NSD1: variants seen among roughly 807,000 people sequenced by gnomAD.
NSD1 encodes nuclear receptor binding SET domain protein 1.
NSD1 carries 26 observed loss-of-function variants against 242.7 expected under a neutral mutation model. The ratio of observed to expected loss-of-function variants is 0.11; its 90% confidence interval spans 0.08 to 0.15. The LOEUF is 0.15. NSD1 is among the 10% of genes least tolerant of loss of function. The probability of loss-of-function intolerance (pLI) is 1.00; values close to 1 mark genes in which losing one functional copy is unlikely to be tolerated. For missense variants in NSD1, 2,495 were observed against 3,272.8 expected, an observed-to-expected ratio of 0.76 and a Z score of 5.80; for synonymous variants, 1,106 against 1,178.1, an observed-to-expected ratio of 0.94 and a Z score of 1.25.
intron 5 of NSD1, among the ~76,000 whole-genome samples, chr5:177,219,959 G>A (rs768934484): frequency 3.2e-4 from 49 of 151,308 alleles, no homozygotes; most frequent in Non-Finnish European, 6.3e-4. Context: ...AAGATCCTGT[G>A]TCAAAAAAAA....
intron 2 of NSD1, among the ~76,000 whole-genome samples, chr5:177,163,343 A>G (rs1758915549): frequency 6.6e-6 from 1 of 151,774 alleles, no homozygotes; most frequent in Non-Finnish European, 1.5e-5. Context: ...GGGTTTCACT[A>G]TGTTGGCCAG....
At chr5:177,147,901 C>T (rs936873748) in intron 2 of NSD1, among the ~76,000 whole-genome samples, 3 of 151,348 alleles carry the variant, frequency 2.0e-5, no homozygotes, top group African/African-American at 7.3e-5. Context: ...TAGTTTTTTC[C>T]TTTTTATCAC....
Position 177,294,367 on chromosome 5 carries a change from C to G in NSD1, c.6999C>G (p.Pro2333=). Residue 2333 remains proline, a synonymous_variant, in exon 23 of 23, where the codon CCC becomes CCG. Transcript: ENST00000439151. ...AGPRPQLSDK[P]SPVTSPSSSP... ...CAAGACCCCAGCTAAGCGACAAACC[C>G]TCTCCAGTGACCAGCCCAAGCTCCT... The G allele has an allele frequency of 6.2e-7, 1 of 1,614,228 alleles. No individual in the cohort carries two copies. Among genetic ancestry groups the G allele is most frequent in the Non-Finnish European group, 8.5e-7 (1 of 1,180,036 alleles).
At position 177,209,713 on chromosome 5, in the gene NSD1, G is replaced by T; in HGVS notation, c.1314G>T (p.Lys438Asn). The change falls in exon 5 of 23, where the codon AAG becomes AAT. Residue 438 changes from lysine to asparagine, a missense_variant. By Grantham distance (94) the Lys-to-Asn change is moderately conservative. Transcript: ENST00000439151. ...AEQYDVPKGS[K>N]NRKCIPGSIK... ...AGTATGATGTTCCCAAGGGGTCAAA[G>T]AACCGAAAATGTATTCCTGGTTCAA... The T allele has an allele frequency of 6.2e-7, 1 of 1,614,028 alleles. No homozygotes were observed.
chr5:177,238,592 C>T lies in NSD1; in HGVS notation c.4192+85C>T. ...TTAGTATGTTTTGATGTAAAGCCAA[C>T]ATTGTATCTATATACAATAAACTAC... On this transcript the variant is annotated intron_variant, in intron 7 of 22. Transcript: ENST00000439151. The surrounding 1 kb of genome is among the most constrained non-coding windows in gnomAD (Gnocchi z 4.6). The T allele has an allele frequency of 6.8e-7, 1 of 1,480,600 alleles. No individual in the cohort carries two copies. Among genetic ancestry groups the T allele is most frequent in the Non-Finnish European group, 9.3e-7 (1 of 1,072,120 alleles). The allele number at this position is 1,480,600 out of a possible 1,614,324, so 91.7% of individuals were successfully genotyped here. A position where few individuals can be genotyped will look rare whatever the true frequency, so the allele number is the denominator to read the frequency against.
chr5:177,280,881 C>G (rs1313624669), intron 18 of NSD1, 47 bp downstream of exon 18: 1 of 1,584,516 alleles, frequency 6.3e-7, no homozygotes, highest in Admixed American at 1.7e-5. Flanking sequence ...TTTGCAGTTG[C>G]TTGATATCAT....
In NSD1 at chr5:177,210,646, T is replaced by C; in HGVS notation, c.2247T>C (p.Asp749=). Residue 749 remains aspartate, a synonymous_variant, in exon 5 of 23, where the codon GAT becomes GAC. Transcript: ENST00000439151. ...VHKPQSDFTN[D]ALSPKFNLSS... ...AACCCCAGTCAGATTTTACAAATGA[T>C]GCTCTCTCTCCAAAATTCAACCTGT... The C allele has an allele frequency of 1.9e-6, 3 of 1,614,156 alleles. No individual in the cohort carries two copies. The highest frequency in any genetic ancestry group is 2.5e-6 in the Non-Finnish European group (3 of 1,180,030).
Position 177,209,700 on chromosome 5 carries a change from C to T in NSD1, c.1301C>T (p.Pro434Leu). ...SVGLAEQYDV[P>L]KGSKNRKCIP... ...GGACTTGCAGAACAGTATGATGTTCCCAAGGGGTCAAAGAACCGAAAATGT... is the reference window on the plus strand; with the variant it reads ...GGACTTGCAGAACAGTATGATGTTCTCAAGGGGTCAAAGAACCGAAAATGT... The change falls in exon 5 of 23, where the codon CCC becomes CTC. Residue 434 changes from proline (P) to leucine (L), a missense_variant. Physicochemically the swap from Pro to Leu is moderately conservative, Grantham distance 98. Around this residue, in one of 19 missense-constraint regions of NSD1, gnomAD observed 515 missense variants for 467.0 expected, o/e 1.10. Coordinates refer to ENST00000439151, the MANE Select transcript of NSD1 (RefSeq NM_022455.5). The T allele has an allele frequency of 6.2e-7, 1 of 1,613,778 alleles. No individual in the cohort carries two copies. The highest frequency in any genetic ancestry group is 1.1e-5 in the South Asian group (1 of 91,062).
rs960284252 is a variant in NSD1 at position 177,299,843 on chromosome 5, G to C, written c.*4384G>C. Reference sequence around the variant, plus strand: ...CTATGTTTTCAACTTCCAGGGTTGGGGCAGGCCAGAGCAAGGCGGTCTCAT... The same window carrying C: ...CTATGTTTTCAACTTCCAGGGTTGGCGCAGGCCAGAGCAAGGCGGTCTCAT... On this transcript the variant is annotated 3_prime_UTR_variant, in exon 23 of 23. Transcript: ENST00000439151. 8.6e-6 allele frequency: 2 copies of C among 233,192 alleles called. No individual in the cohort carries two copies. The highest frequency in any genetic ancestry group is 2.2e-5 in the African/African-American group (1 of 45,314). 14.4% of individuals were successfully genotyped at this position (233,192 alleles called of 1,614,324 possible).
Position 177,210,648 on chromosome 5 carries a change from C to G in NSD1, c.2249C>G (p.Ala750Gly). 1 of 1,614,084 alleles carries G rather than the reference C, an allele frequency of 6.2e-7. No individual in the cohort carries two copies. The change falls in exon 5 of 23, where the codon GCT (alanine) becomes GGT (glycine). Residue 750 changes from alanine (A) to glycine (G), a missense_variant. Physicochemically the swap from Ala to Gly is moderately conservative, Grantham distance 60 (BLOSUM62 0). Coordinates refer to ENST00000439151, the MANE Select transcript of NSD1 (RefSeq NM_022455.5). The part of the protein sequence containing the change: ...HKPQSDFTND[A>G]LSPKFNLSSS... ...CCCCAGTCAGATTTTACAAATGATG[C>G]TCTCTCTCCAAAATTCAACCTGTCA...
chr5:177,154,528 CTG>C (rs1195960150), intron 2 of NSD1, among the ~76,000 whole-genome samples: 1 of 152,146 alleles, frequency 6.6e-6, no homozygotes, highest in African/African-American at 2.4e-5. Context: ...GAAGTGACCT[CTG>C]TGCCATGTTT....
chr5:177,299,031 C>G lies in NSD1; in HGVS notation c.*3572C>G. The G allele has an allele frequency of 4.3e-6, 1 of 233,178 alleles. No homozygotes were observed. The highest frequency in any genetic ancestry group is 8.5e-6 in the Non-Finnish European group (1 of 117,960). The allele number at this position is 233,178 out of a possible 1,614,324, so 14.4% of individuals were successfully genotyped here. On this transcript the variant is annotated 3_prime_UTR_variant, in exon 23 of 23. Transcript: ENST00000439151. Reference sequence around the variant, plus strand: ...TTGAGCAGTTCCATGTGTAGACATTCCAAGTCACTGCTTGGTAGTTGCTGT... The same window carrying G: ...TTGAGCAGTTCCATGTGTAGACATTGCAAGTCACTGCTTGGTAGTTGCTGT...
intron 17 of NSD1, among the ~76,000 whole-genome samples, chr5:177,279,609 A>C (rs992179029): frequency 9.3e-6 from 1 of 107,790 alleles, no homozygotes; most frequent in African/African-American, 3.8e-5. Context: ...CAGCTTTGAA[A>C]ATTTTTTTTT....
rs2127257578 is a variant in NSD1 at position 177,280,800 on chromosome 5, G to A, written c.5858G>A (p.Gly1953Asp). The change falls in exon 18 of 23, where the codon GGT becomes GAT. Residue 1953 changes from glycine (G) to aspartate (D), a missense_variant. Around this residue, in one of 19 missense-constraint regions of NSD1, gnomAD observed 114 missense variants for 247.4 expected, o/e 0.46. Transcript: ENST00000439151. Reference protein sequence around the residue: ...EVEIFRTLQRGWGLRTKTDIK... With the variant: ...EVEIFRTLQRDWGLRTKTDIK... ...GAAATTTTCCGCACATTACAGCGGG[G>A]TTGGGGTCTACGGACAAAAACAGAT... is the stretch of plus-strand genomic sequence containing the variant. The A allele has an allele frequency of 6.2e-7, 1 of 1,614,254 alleles. No individual in the cohort carries two copies.
At chr5:177,232,944 A>G (rs1765169275) in intron 5 of NSD1, among the ~76,000 whole-genome samples, 1 of 152,230 alleles carries the variant, frequency 6.6e-6, no homozygotes, top group Non-Finnish European at 1.5e-5. Flanking sequence ...CAGGCCCTAC[A>G]GGAATTCAGG....
intron 2 of NSD1, among the ~76,000 whole-genome samples, chr5:177,162,465 G>A (rs575190947): frequency 2.0e-5 from 3 of 151,616 alleles, no homozygotes; most frequent in Non-Finnish European, 4.4e-5. Flanking sequence ...GTAGGATCTC[G>A]GCTCACTGCA....
intron 2 of NSD1, among the ~76,000 whole-genome samples, chr5:177,141,560 C>G (rs1462629609): frequency 6.6e-6 from 1 of 151,710 alleles, no homozygotes; most frequent in Non-Finnish European, 1.5e-5. Flanking sequence ...GAACCCCTAA[C>G]CTCAAGTGAT....
chr5:177,171,466 T>C (rs891736061), intron 2 of NSD1, among the ~76,000 whole-genome samples: 5 of 152,226 alleles, frequency 3.3e-5, no homozygotes, highest in Admixed American at 1.3e-4. Context: ...TGTTACTGTT[T>C]TTTTCTATTA....
chr5:177,258,613 G>A (rs1363773100), intron 13 of NSD1, among the ~76,000 whole-genome samples: 1 of 151,424 alleles, frequency 6.6e-6, no homozygotes, highest in Non-Finnish European at 1.5e-5. Context: ...TTGGCTCACT[G>A]CAACCTCCAC....
Sources: allele counts gnomAD v4.1 joint callset (sites outside exome capture counted in the v4.1 genomes callset), GRCh38; gene constraint gnomAD v4.1.1; regional missense constraint gnomAD v4.1.1; non-coding constraint Gnocchi (gnomAD v3.1); transcripts MANE v1.5; gene names NCBI Gene and HGNC (gene_info 2026-07-23, HGNC 2026-07-21).